Variants in NKAIN2 observed in about 807,000 individuals in gnomAD.
NKAIN2 encodes sodium/potassium-transporting ATPase subunit beta-1-interacting protein 2.
Under a neutral mutation model 32.6 loss-of-function variants are expected in NKAIN2, and 14 were observed. The observed-to-expected ratio is 0.43, with a 90% CI of 0.28 to 0.67. The LOEUF (loss-of-function observed/expected upper bound fraction) is 0.67. Ranked by LOEUF, NKAIN2 falls within the 30% of genes least tolerant of loss-of-function variation. NKAIN2 has a pLI of 0.17. For synonymous variants in NKAIN2, 80 were observed against 87.2 expected (o/e 0.92, Z 0.46); for missense variants, 198 against 258.3 (o/e 0.77, Z 1.60).
intron 1 of NKAIN2, among the ~76,000 whole-genome samples, chr6:123,857,090 G>A (rs1369568097): frequency 6.6e-6 from 1 of 151,872 alleles, no homozygotes; most frequent in Admixed American, 6.6e-5. Flanking sequence ...AAGTATAATG[G>A]ACTGCTTTAA....
chr6:124,808,771 C>G (rs1271600353), intron 5 of NKAIN2, among the ~76,000 whole-genome samples: 1 of 152,280 alleles, frequency 6.6e-6, no homozygotes, highest in African/African-American at 2.4e-5. Flanking sequence ...AGCTGATAAG[C>G]AACTTCAGCA....
At chr6:124,197,991 G>A (rs1343603169) in intron 1 of NKAIN2, among the ~76,000 whole-genome samples, 1 of 151,922 alleles carries the variant, frequency 6.6e-6, no homozygotes, top group Non-Finnish European at 1.5e-5. Context: ...AAATCTGCCA[G>A]GTTACTAGTT....
At chr6:124,016,093 G>C (rs890949769) in intron 1 of NKAIN2, among the ~76,000 whole-genome samples, 1 of 152,034 alleles carries the variant, frequency 6.6e-6, no homozygotes, top group East Asian at 1.9e-4. Flanking sequence ...TAAGGCAATA[G>C]ATTTGGGGAA....
intron 3 of NKAIN2, among the ~76,000 whole-genome samples, chr6:124,436,411 C>A (rs924591309): frequency 6.6e-6 from 1 of 152,132 alleles, no homozygotes; most frequent in Non-Finnish European, 1.5e-5. Flanking sequence ...ATTACAATAT[C>A]ATAAAACACC....
At chr6:124,042,097 G>A (rs951320468) in intron 1 of NKAIN2, among the ~76,000 whole-genome samples, 1 of 152,062 alleles carries the variant, frequency 6.6e-6, no homozygotes, top group South Asian at 2.1e-4. Flanking sequence ...GAATGATTTT[G>A]ATTACCTCGG....
At chr6:124,147,460 C>T (rs186581080) in intron 1 of NKAIN2, among the ~76,000 whole-genome samples, 4 of 152,130 alleles carry the variant, frequency 2.6e-5, no homozygotes, top group Admixed American at 6.5e-5. Context: ...GAAATAAGAT[C>T]CAATTTCTGC....
intron 3 of NKAIN2, among the ~76,000 whole-genome samples, chr6:124,357,949 C>T (rs559515959): frequency 1.3e-5 from 2 of 152,242 alleles, no homozygotes; most frequent in African/African-American, 4.8e-5. Flanking sequence ...CAACAGGCCC[C>T]TGTGTGTGAT....
intron 3 of NKAIN2, among the ~76,000 whole-genome samples, chr6:124,406,895 G>C (rs1773884478): frequency 6.6e-6 from 1 of 151,894 alleles, no homozygotes; most frequent in Admixed American, 6.6e-5. Flanking sequence ...CATGAAGCTT[G>C]CATTCAAATG....
Position 124,713,168 on chromosome 6 carries a change from A to G in NKAIN2, c.474+54782A>G, listed in dbSNP as rs577121220. Among the ~76,000 whole-genome samples the G allele has an allele frequency of 2.2e-4, 33 of 152,314 alleles. 1 individual carries two copies. Among genetic ancestry groups the G allele is most frequent in the South Asian group, 4.1e-4 (2 of 4,830 alleles). On this transcript the variant is annotated intron_variant, in intron 4 of 6. Transcript: ENST00000368417. Reference sequence around the variant, plus strand: ...ACTCATTAATCTTCACAGCAATCCTATGATATAGGATTATGCTTCCTGTTA... The same window carrying G: ...ACTCATTAATCTTCACAGCAATCCTGTGATATAGGATTATGCTTCCTGTTA...
At chr6:124,140,555 C>T (rs971799592) in intron 1 of NKAIN2, among the ~76,000 whole-genome samples, 1 of 152,072 alleles carries the variant, frequency 6.6e-6, no homozygotes, top group Non-Finnish European at 1.5e-5. Flanking sequence ...AGTTAATGCA[C>T]AGAACATTTG....
chr6:124,024,651 C>G (rs1781024257), intron 1 of NKAIN2, among the ~76,000 whole-genome samples: 1 of 151,986 alleles, frequency 6.6e-6, no homozygotes, highest in Admixed American at 6.6e-5. Flanking sequence ...GATTATTAGA[C>G]AGTAGTCATA....
chr6:124,179,333 A>C (rs758492333), intron 1 of NKAIN2, among the ~76,000 whole-genome samples: 1 of 152,188 alleles, frequency 6.6e-6, no homozygotes, highest in African/African-American at 2.4e-5. Context: ...TTCTTCAGCT[A>C]TTCTGTGTGT....
intron 1 of NKAIN2, among the ~76,000 whole-genome samples, chr6:124,148,225 T>G (rs112197681): frequency 4.9e-4 from 75 of 152,258 alleles, no homozygotes; most frequent in African/African-American, 1.8e-3. Flanking sequence ...TGATTACTAT[T>G]TTAACATTTT....
chr6:124,383,926 G>A (rs1772766164), intron 3 of NKAIN2, among the ~76,000 whole-genome samples: 1 of 152,082 alleles, frequency 6.6e-6, no homozygotes, highest in Admixed American at 6.6e-5. Flanking sequence ...CTGACTCTCA[G>A]TCTCTCCATT....
At chr6:123,926,752 C>T (rs1381214986) in intron 1 of NKAIN2, among the ~76,000 whole-genome samples, 4 of 152,180 alleles carry the variant, frequency 2.6e-5, no homozygotes, top group Non-Finnish European at 2.9e-5. Flanking sequence ...ACTGGTTCAT[C>T]TCTAGTCAAC....
At chr6:124,677,439 T>C (rs998631854) in intron 4 of NKAIN2, among the ~76,000 whole-genome samples, 4 of 152,200 alleles carry the variant, frequency 2.6e-5, no homozygotes, top group Admixed American at 6.5e-5. Context: ...TTACAGTCTA[T>C]CTTTATGTTT....
chr6:124,635,623 A>G (rs1291101032), intron 3 of NKAIN2, among the ~76,000 whole-genome samples: 1 of 152,102 alleles, frequency 6.6e-6, no homozygotes, highest in Non-Finnish European at 1.5e-5. Flanking sequence ...TTCTATGGAA[A>G]CCAAAAGCAT....
intron 3 of NKAIN2, among the ~76,000 whole-genome samples, chr6:124,631,525 T>C (rs1050321277): frequency 9.9e-5 from 15 of 152,174 alleles, no homozygotes; most frequent in African/African-American, 3.4e-4. Flanking sequence ...GGTCTTTGAG[T>C]GCAGGCTTCT....
intron 3 of NKAIN2, among the ~76,000 whole-genome samples, chr6:124,419,779 G>A (rs1018728642): frequency 1.3e-4 from 20 of 151,992 alleles, no homozygotes; most frequent in African/African-American, 4.8e-4. Flanking sequence ...TGTCATGGAT[G>A]AGTTTTTAGA....
Sources: allele counts gnomAD v4.1 joint callset (sites outside exome capture counted in the v4.1 genomes callset), GRCh38; gene constraint gnomAD v4.1.1; transcripts MANE v1.5; gene names NCBI Gene and HGNC (gene_info 2026-07-23, HGNC 2026-07-21).